Variants in LYPD6 observed in about 807,000 individuals in gnomAD.
LYPD6 encodes the protein LY6/PLAUR domain containing 6, also known as ly6/PLAUR domain-containing protein 6.
LYPD6 carries 15 observed loss-of-function variants against 22.7 expected under a neutral mutation model. The ratio of observed to expected loss-of-function variants is 0.66; its 90% confidence interval spans 0.44 to 1.02. The LOEUF (loss-of-function observed/expected upper bound fraction) is 1.02. Among genes scored for constraint, LYPD6 ranks in the 50% least tolerant of loss-of-function variants. The pLI is 0.00. For missense variants in LYPD6, 189 were observed against 208.4 expected, an observed-to-expected ratio of 0.91 and a Z score of 0.57; for synonymous variants, 72 against 77.5, an observed-to-expected ratio of 0.93 and a Z score of 0.37.
intron 1 of LYPD6, among the ~76,000 whole-genome samples, chr2:149,359,319 C>T (rs1375758785): frequency 6.6e-6 from 1 of 152,120 alleles, no homozygotes; most frequent in Non-Finnish European, 1.5e-5. Flanking sequence ...AGGCCGAGTG[C>T]CTGGCACACA....
chr2:149,426,557 A>G (rs1683192420), intron 1 of LYPD6, among the ~76,000 whole-genome samples: 1 of 152,306 alleles, frequency 6.6e-6, no homozygotes, highest in East Asian at 1.9e-4. Flanking sequence ...TTTGTAAATT[A>G]TGGTGGGAGG....
intron 1 of LYPD6, among the ~76,000 whole-genome samples, chr2:149,348,866 C>A (rs568768360): frequency 3.3e-5 from 5 of 152,050 alleles, no homozygotes; most frequent in Non-Finnish European, 5.9e-5. Context: ...TGGCTTAGAT[C>A]TGGGTGGTTG....
chr2:149,364,940 T>C (rs1181375860), intron 1 of LYPD6, among the ~76,000 whole-genome samples: 2 of 152,184 alleles, frequency 1.3e-5, no homozygotes. Context: ...GATTTGAAGC[T>C]GAAACCACTG....
intron 1 of LYPD6, among the ~76,000 whole-genome samples, chr2:149,341,804 T>C (rs1393456724): frequency 1.3e-5 from 2 of 152,190 alleles, no homozygotes; most frequent in East Asian, 3.9e-4. Context: ...TGTGAAGAAG[T>C]CTCTTCTATA....
At chr2:149,378,889 G>A (rs1302068973) in intron 1 of LYPD6, among the ~76,000 whole-genome samples, 3 of 152,144 alleles carry the variant, frequency 2.0e-5, no homozygotes, top group Non-Finnish European at 4.4e-5. Context: ...TCTATACAGT[G>A]TTTAGCCAAG....
chr2:149,418,004 G>A (rs1683000643), intron 1 of LYPD6, among the ~76,000 whole-genome samples: 1 of 152,180 alleles, frequency 6.6e-6, no homozygotes, highest in Non-Finnish European at 1.5e-5. Flanking sequence ...TGTTGAACTT[G>A]CAGTGTAATA....
intron 1 of LYPD6, among the ~76,000 whole-genome samples, chr2:149,381,251 G>T (rs987795108): frequency 6.6e-6 from 1 of 152,150 alleles, no homozygotes; most frequent in Non-Finnish European, 1.5e-5. Context: ...TGTTTGGTTT[G>T]GTTTTTGCCT....
At chr2:149,344,227 A>T (rs1181151391) in intron 1 of LYPD6, among the ~76,000 whole-genome samples, 1 of 152,144 alleles carries the variant, frequency 6.6e-6, no homozygotes, top group Non-Finnish European at 1.5e-5. Context: ...TGTGTAAACC[A>T]TTTGATCAAC....
chr2:149,346,920 T>C (rs575221198), intron 1 of LYPD6, among the ~76,000 whole-genome samples: 3 of 152,154 alleles, frequency 2.0e-5, no homozygotes, highest in Non-Finnish European at 4.4e-5. Flanking sequence ...AGGATGGTCT[T>C]GATCTCTTCA....
chr2:149,450,457 T>G (rs1683781343), intron 3 of LYPD6, among the ~76,000 whole-genome samples: 2 of 152,206 alleles, frequency 1.3e-5, no homozygotes, highest in Admixed American at 1.3e-4. Context: ...AGGGAGCTCC[T>G]CTACATAAGA....
chr2:149,386,861 T>G (rs544560347), intron 1 of LYPD6, among the ~76,000 whole-genome samples: 1 of 152,122 alleles, frequency 6.6e-6, no homozygotes, highest in Non-Finnish European at 1.5e-5. Context: ...TGAAAAAAAT[T>G]GAGAACATGG....
chr2:149,441,649 T>C (rs1013876118), intron 2 of LYPD6, among the ~76,000 whole-genome samples: 1 of 152,250 alleles, frequency 6.6e-6, no homozygotes, highest in Non-Finnish European at 1.5e-5. Flanking sequence ...AGTTTTTCTT[T>C]GCTTGTTTTT....
At chr2:149,351,974 G>T (rs1352982029) in intron 1 of LYPD6, among the ~76,000 whole-genome samples, 1 of 152,014 alleles carries the variant, frequency 6.6e-6, no homozygotes, top group Non-Finnish European at 1.5e-5. Flanking sequence ...CCTGCCCTGC[G>T]CCAGTATCAG....
At chr2:149,330,959 G>C (rs1001460323) in intron 1 of LYPD6, among the ~76,000 whole-genome samples, 15 of 152,212 alleles carry the variant, frequency 9.9e-5, no homozygotes, top group African/African-American at 2.4e-4. Flanking sequence ...GTGTGTACTC[G>C]TGTGTGTTGG....
At position 149,471,190 on chromosome 2, in the gene LYPD6, A is replaced by C. The variant is rs1266771492; in HGVS notation, c.*340A>C. Reference sequence around the variant, plus strand: ...GAGATGCAGTAGGTCCTGAGACTGTAAGATATTAGGAGTATGTTATAGGGG... The same window carrying C: ...GAGATGCAGTAGGTCCTGAGACTGTCAGATATTAGGAGTATGTTATAGGGG... On this transcript the variant is annotated 3_prime_UTR_variant, in exon 5 of 5. Coordinates refer to ENST00000334166, the MANE Select transcript of LYPD6 (RefSeq NM_194317.5). The C allele has an allele frequency of 3.1e-5, 6 of 191,132 alleles. No homozygotes were observed. The highest frequency in any genetic ancestry group is 6.5e-5 in the Non-Finnish European group (6 of 92,128). 11.8% of individuals were successfully genotyped at this position (191,132 alleles called of 1,614,324 possible).
chr2:149,362,438 G>A (rs970483949), intron 1 of LYPD6, among the ~76,000 whole-genome samples: 5 of 152,062 alleles, frequency 3.3e-5, no homozygotes, highest in Non-Finnish European at 2.9e-5. Flanking sequence ...AAATATGATG[G>A]GATAAAAAGG....
intron 1 of LYPD6, among the ~76,000 whole-genome samples, chr2:149,369,447 G>T (rs1044120168): frequency 8.5e-5 from 13 of 152,122 alleles, no homozygotes; most frequent in Admixed American, 8.5e-4. Flanking sequence ...CAGATAATGA[G>T]ATCTCCCATC....
At chr2:149,481,907 G>A in the LYPD6 span, among the ~76,000 whole-genome samples, 1 of 152,130 alleles carries the variant, frequency 6.6e-6, no homozygotes, top group Non-Finnish European at 1.5e-5. Context: ...TGTTAAGTTT[G>A]TGGTTGTTAT....
At chr2:149,354,803 A>G (rs1232018467) in intron 1 of LYPD6, among the ~76,000 whole-genome samples, 2 of 152,320 alleles carry the variant, frequency 1.3e-5, no homozygotes, top group African/African-American at 4.8e-5. Context: ...ATGACCTGCA[A>G]AATTTGAAGA....
Sources: allele counts gnomAD v4.1 joint callset (sites outside exome capture counted in the v4.1 genomes callset), GRCh38; gene constraint gnomAD v4.1.1; transcripts MANE v1.5; gene names NCBI Gene and HGNC (gene_info 2026-07-23, HGNC 2026-07-21).